Variants in MACF1 observed in about 807,000 individuals in gnomAD.
MACF1 encodes microtubule actin crosslinking factor 1.
In MACF1, 193 loss-of-function variants were observed where a neutral mutation model predicts 854.8. The ratio of observed to expected loss-of-function variants is 0.23; its 90% CI spans 0.20 to 0.25. MACF1 has a LOEUF of 0.25. Among genes scored for constraint, MACF1 ranks in the 10% least tolerant of loss-of-function variants. The probability of loss-of-function intolerance (pLI) is 1.00; values close to 1 mark genes in which losing one functional copy is unlikely to be tolerated. For synonymous variants in MACF1, 3,185 were observed against 3,226.7 expected, an observed-to-expected ratio of 0.99 and a Z score of 0.44; for missense variants, 7,722 against 8,929.1, an observed-to-expected ratio of 0.86 and a Z score of 5.45.
intron 26 of MACF1, among the ~76,000 whole-genome samples, chr1:39,314,563 T>A (rs1321596124): frequency 4.6e-5 from 2 of 43,880 alleles, no homozygotes; most frequent in Non-Finnish European, 8.3e-5. Flanking sequence ...TCTCTCTCTC[T>A]CTCTCTCACA....
At chr1:39,360,665 C>T in intron 47 of MACF1, 128 bp from the exon 48 acceptor site, 1 of 273,538 alleles carries the variant, frequency 3.7e-6, no homozygotes, top group Non-Finnish European at 6.0e-6. Flanking sequence ...ATTAAGACCA[C>T]ATCCATATAA....
At chr1:39,224,720 A>G (rs1393227501) in intron 1 of MACF1, among the ~76,000 whole-genome samples, 1 of 152,202 alleles carries the variant, frequency 6.6e-6, no homozygotes, top group East Asian at 1.9e-4. Flanking sequence ...TAAGTTTCCT[A>G]TGGAGAAGAG....
intron 43 of MACF1, 98 bp downstream of exon 43, chr1:39,351,116 C>A: frequency 2.4e-6 from 2 of 840,010 alleles, no homozygotes; most frequent in Non-Finnish European, 1.8e-6. Context: ...TTATAGCATG[C>A]ACAGAATCAT....
At position 39,441,226 on chromosome 1, in the gene MACF1, G is replaced by C; in HGVS notation, c.18573G>C (p.Met6191Ile). 6.2e-7 allele frequency: 1 copy of C among 1,613,902 alleles called. No individual in the cohort carries two copies. The highest frequency in any genetic ancestry group is 8.5e-7 in the Non-Finnish European group (1 of 1,179,818). ...CTGATTGAATGTTTTTCCCCTAGAT[G>C]AATAATGCTTGGGAGAACTTAAACA... ...KPEVRKSIDE[M>I]NNAWENLNKT... The change falls in exon 74 of 101, where the codon ATG (methionine) becomes ATC (isoleucine). Residue 6191 changes from methionine to isoleucine, a missense_variant and splice_region_variant. Physicochemically the swap from Met to Ile is conservative, Grantham distance 10 (BLOSUM62 1). Coordinates refer to ENST00000564288, the MANE Select transcript of MACF1 (RefSeq NM_001394062.1).
rs995630161 is a variant in MACF1, at chr1:39,124,008, G to A, written c.220+39570G>A. Among the ~76,000 whole-genome samples the A allele has an allele frequency of 9.3e-5, 14 of 151,220 alleles. No individual in the cohort carries two copies. In the East Asian group the frequency reaches 2.1e-3, roughly 23 times the overall value. ...CGCCTGCCTTGGCCTCTCAAAGTGC[G>A]GGATTACAGGCGTGAGCTACTGCAC... On this transcript the variant is annotated intron_variant, in intron 2 of 93. Coordinates refer to the MACF1 transcript ENST00000361689.
At position 39,361,345 on chromosome 1, in the gene MACF1, T is replaced by C. The variant is rs767183675; in HGVS notation, c.12454-15T>C. On this transcript the variant is annotated splice_polypyrimidine_tract_variant and intron_variant, in intron 48 of 100. Coordinates refer to ENST00000564288, the MANE Select transcript of MACF1 (RefSeq NM_001394062.1). ...TAAGTGAACCAGGAGCTGACAGACG[T>C]GTTCTTCATGACAGAAATTGAAGCA... 4 of 1,608,532 alleles carry C rather than the reference T, an allele frequency of 2.5e-6. No individual in the cohort carries two copies. Among genetic ancestry groups the C allele is most frequent in the Admixed American group, 3.3e-5 (2 of 59,874 alleles).
intron 2 of MACF1, among the ~76,000 whole-genome samples, chr1:39,194,935 C>T (rs1644302543): frequency 6.6e-6 from 1 of 152,126 alleles, no homozygotes; most frequent in South Asian, 2.1e-4. Context: ...CTCAGGCAGT[C>T]CTCCTGCCTC....
intron 2 of MACF1, among the ~76,000 whole-genome samples, chr1:39,114,068 A>T (rs1361946543): frequency 1.3e-5 from 2 of 148,762 alleles, no homozygotes; most frequent in African/African-American, 5.0e-5. Context: ...TGCTCACTCC[A>T]TTTTTTCCCA....
intron 58 of MACF1, among the ~76,000 whole-genome samples, chr1:39,408,767 C>A (rs2148607181): frequency 6.6e-6 from 1 of 152,140 alleles, no homozygotes; most frequent in Non-Finnish European, 1.5e-5. Context: ...GCGGGGCGTT[C>A]CCCTCTGGCC....
Position 39,361,414 on chromosome 1 carries a change from A to G in MACF1, c.12508A>G (p.Met4170Val). 6.2e-7 allele frequency: 1 copy of G among 1,614,118 alleles called. No individual in the cohort carries two copies. The part of the protein sequence containing the change: ...QKSSLEATRE[M>V]VTRFMETADS... ...GAGCAGCTTGGAGGCCACCCGTGAG[A>G]TGGTGACCCGATTCATGGAGACAGC... The change falls in exon 49 of 101, where the codon ATG becomes GTG. Residue 4170 changes from methionine (M) to valine (V), a missense_variant. Met to Val is a conservative substitution (Grantham distance 21, BLOSUM62 1). Around this residue, in one of 15 missense-constraint regions of MACF1, gnomAD observed 2,807 missense variants for 3,235.8 expected, o/e 0.87. Transcript: ENST00000564288.
intron 84 of MACF1, among the ~76,000 whole-genome samples, chr1:39,449,740 T>C (rs925224362): frequency 4.7e-5 from 7 of 147,836 alleles, no homozygotes; most frequent in Non-Finnish European, 7.4e-5. Context: ...TCTAGCTCTC[T>C]GGCCCAGGCT....
intron 2 of MACF1, among the ~76,000 whole-genome samples, chr1:39,175,807 G>C (rs187703443): frequency 2.0e-5 from 3 of 151,182 alleles, no homozygotes; most frequent in African/African-American, 7.3e-5. Context: ...ACAAAAATTA[G>C]CCGGGTGTGG....
chr1:39,447,574 T>C lies in MACF1; in HGVS notation c.19748T>C (p.Ile6583Thr). The change falls in exon 81 of 101, where the codon ATA (isoleucine) becomes ACA (threonine). Residue 6583 changes from isoleucine to threonine, a missense_variant. Coordinates refer to ENST00000564288, the MANE Select transcript of MACF1 (RefSeq NM_001394062.1). The stretch of plus-strand genomic sequence containing the variant: ...ATTCTAAATACTGTCCTTTCCCAGA[T>C]AGAAGAGCACAAGGTAAGTATGATA... ...SLILNTVLSQ[I>T]EEHKVFANEV... 1 of 1,614,182 alleles carries C rather than the reference T, an allele frequency of 6.2e-7. No individual in the cohort carries two copies. The highest frequency in any genetic ancestry group is 8.5e-7 in the Non-Finnish European group (1 of 1,180,014).
chr1:39,401,455 T>G (rs1189250777), intron 58 of MACF1, among the ~76,000 whole-genome samples: 1 of 152,184 alleles, frequency 6.6e-6, no homozygotes, highest in African/African-American at 2.4e-5. Context: ...ATTAAAACAT[T>G]GAGGGCTGAG....
At chr1:39,269,765 C>T (rs151096362) in intron 6 of MACF1, 1 of 1,248,596 alleles carries the variant, frequency 8.0e-7, no homozygotes, top group African/African-American at 1.5e-5. Context: ...TGTTTGGATT[C>T]TTGGCCCTCA....
chr1:39,084,254 G>T lies in MACF1; in HGVS notation c.36G>T (p.Arg12=), dbSNP rs576970357. 17 of 1,612,814 alleles carry T rather than the reference G, an allele frequency of 1.1e-5. No individual in the cohort carries two copies. In the South Asian group the frequency reaches 1.4e-4, roughly 14 times the overall value. ...CAGATGAAGAGACGCTCAGTGAGCG[G>T]TCATGTCGGAGTGAGCGGTCTTGTC... Residue 12 remains arginine, a synonymous_variant, in exon 2 of 94, where the codon CGG becomes CGT. Transcript: ENST00000361689. The surrounding 1 kb of genome is among the most constrained non-coding windows in gnomAD (Gnocchi z 5.2).
intron 2 of MACF1, among the ~76,000 whole-genome samples, chr1:39,187,249 A>T (rs1331079579): frequency 6.6e-6 from 1 of 152,126 alleles, no homozygotes; most frequent in Non-Finnish European, 1.5e-5. Context: ...AATAATTGCC[A>T]TATTTTGTCA....
chr1:39,367,039 G>A (rs577716005), intron 49 of MACF1, among the ~76,000 whole-genome samples: 4 of 142,998 alleles, frequency 2.8e-5, no homozygotes, highest in South Asian at 2.2e-4. Flanking sequence ...CCTCCTCCTC[G>A]CAAATTCAAG....
rs139451358 is a variant in MACF1 at position 39,330,053 on chromosome 1, C to T, written c.4615-1150C>T. 9.5e-4 allele frequency among the ~76,000 whole-genome samples: 144 copies of T among 152,286 alleles called. 1 individual carries two copies. The highest frequency in any genetic ancestry group is 3.4e-3 in the African/African-American group (140 of 41,546). On this transcript the variant is annotated intron_variant, in intron 36 of 100. Coordinates refer to ENST00000564288, the MANE Select transcript of MACF1 (RefSeq NM_001394062.1). ...CATTTCTTCAAACTAAAGATTCAAACAATTGTTTTCATAGGATTACTGTGA... is the reference window on the plus strand; with the variant it reads ...CATTTCTTCAAACTAAAGATTCAAATAATTGTTTTCATAGGATTACTGTGA...
Sources: allele counts gnomAD v4.1 joint callset (sites outside exome capture counted in the v4.1 genomes callset), GRCh38; gene constraint gnomAD v4.1.1; regional missense constraint gnomAD v4.1.1; non-coding constraint Gnocchi (gnomAD v3.1); transcripts MANE v1.5; gene names NCBI Gene and HGNC (gene_info 2026-07-23, HGNC 2026-07-21).